The following FLT1 variants were observed in gnomAD, a reference collection of about 807,000 sequenced individuals.
FLT1 encodes vascular endothelial growth factor receptor 1.
FLT1 carries 49 observed loss-of-function variants against 156.3 expected under a neutral mutation model. That is an observed-to-expected ratio of 0.31 (90% CI 0.25 to 0.40). The LOEUF is 0.40. Ranked by LOEUF, FLT1 falls within the 10% of genes least tolerant of loss-of-function variation. The probability of loss-of-function intolerance (pLI) is 1.00; values close to 1 mark genes in which losing one functional copy is unlikely to be tolerated. For synonymous variants in FLT1, 594 were observed against 583.8 expected (o/e 1.02, Z -0.25); for missense variants, 1,322 against 1,637.2 (o/e 0.81, Z 3.32).
intron 14 of FLT1, among the ~76,000 whole-genome samples, chr13:28,370,559 C>A (rs759905782): frequency 1.1e-4 from 17 of 152,184 alleles, no homozygotes; most frequent in Non-Finnish European, 2.2e-4. Flanking sequence ...CAAAAACACA[C>A]GTATTTCTAA....
chr13:28,452,165 T>C (rs181810955), intron 3 of FLT1, among the ~76,000 whole-genome samples: 1 of 152,296 alleles, frequency 6.6e-6, no homozygotes, highest in East Asian at 1.9e-4. Context: ...CTCCTGTCCC[T>C]TCTCTCCCAT....
intron 1 of FLT1, among the ~76,000 whole-genome samples, chr13:28,490,151 G>A (rs1032886822): frequency 2.6e-5 from 4 of 152,290 alleles, no homozygotes; most frequent in African/African-American, 4.8e-5. Flanking sequence ...CCTCTGGGCC[G>A]GTTTTCTCAT....
At chr13:28,369,182 T>C (rs1355460686) in intron 14 of FLT1, among the ~76,000 whole-genome samples, 2 of 152,200 alleles carry the variant, frequency 1.3e-5, no homozygotes, top group African/African-American at 2.4e-5. Flanking sequence ...GAAAACTATG[T>C]CTGAGGAACA....
chr13:28,390,228 T>C, intron 12 of FLT1, 124 bp from the exon 13 acceptor site: 1 of 1,317,544 alleles, frequency 7.6e-7, no homozygotes, highest in East Asian at 2.5e-5. Context: ...AAAGGATGAG[T>C]ATTTGGGGTA....
At chr13:28,343,803 C>T (rs555625644) in intron 16 of FLT1, among the ~76,000 whole-genome samples, 30 of 151,922 alleles carry the variant, frequency 2.0e-4, no homozygotes, top group Admixed American at 8.5e-4. Context: ...CCACCACGCC[C>T]GGCTAATTTT....
chr13:28,489,180 T>C (rs1018177761), intron 1 of FLT1, among the ~76,000 whole-genome samples: 1 of 152,168 alleles, frequency 6.6e-6, no homozygotes, highest in Non-Finnish European at 1.5e-5. Flanking sequence ...ACAAATATTA[T>C]CTGTTGAGAA....
chr13:28,414,669 A>G (rs1203217266), intron 10 of FLT1, among the ~76,000 whole-genome samples: 2 of 152,192 alleles, frequency 1.3e-5, no homozygotes, highest in African/African-American at 4.8e-5. Flanking sequence ...GTTCATCATT[A>G]TAGCTTTGGT....
At position 28,427,256 on chromosome 13, in the gene FLT1, C is replaced by G; in HGVS notation, c.1339G>C (p.Gly447Arg). The change falls in exon 10 of 30, where the codon GGC becomes CGC. Residue 447 changes from glycine to arginine, a missense_variant. Physicochemically the swap from Gly to Arg is moderately radical, Grantham distance 125. Transcript: ENST00000282397. The stretch of plus-strand genomic sequence containing the variant: ...GTACAAGTCAGGATTTGTCTGCTGC[C>G]CAGTGGGTAGAGAGCCGGGTCTGGA... ...SFPDPALYPL[G>R]SRQILTCTAY... 6.2e-7 allele frequency: 1 copy of G among 1,613,890 alleles called. No homozygotes were observed. The highest frequency in any genetic ancestry group is 8.5e-7 in the Non-Finnish European group (1 of 1,179,876).
At chr13:28,399,060 A>G in intron 11 of FLT1, 2 of 1,550,824 alleles carry the variant, frequency 1.3e-6, no homozygotes, top group Non-Finnish European at 1.7e-6. Context: ...AAGGAAATGG[A>G]AGTAGTTGGA....
At position 28,339,237 on chromosome 13, in the gene FLT1, C is replaced by T. The variant is rs2138851685; in HGVS notation, c.2419G>A (p.Asp807Asn). ...IIMDPDEVPL[D>N]EQCERLPYDA... ...TAAGGGAGCCGCTCACACTGCTCATCCAAAGGAACTTCATCTGGGTCCATT... is the reference window on the plus strand; with the variant it reads ...TAAGGGAGCCGCTCACACTGCTCATTCAAAGGAACTTCATCTGGGTCCATT... The change falls in exon 17 of 30, where the codon GAT becomes AAT. Residue 807 changes from aspartate to asparagine, a missense_variant. Transcript: ENST00000282397. 6.2e-7 allele frequency: 1 copy of T among 1,614,150 alleles called. No individual in the cohort carries two copies. Among genetic ancestry groups the T allele is most frequent in the Non-Finnish European group, 8.5e-7 (1 of 1,179,986 alleles).
At chr13:28,400,529 G>A (rs1310498521) in intron 11 of FLT1, among the ~76,000 whole-genome samples, 2 of 152,022 alleles carry the variant, frequency 1.3e-5, no homozygotes, top group East Asian at 3.9e-4. Flanking sequence ...ACTTTATAGG[G>A]CCAGAGAAAG....
intron 11 of FLT1, among the ~76,000 whole-genome samples, chr13:28,402,763 T>C (rs1303956678): frequency 1.3e-5 from 2 of 152,192 alleles, no homozygotes; most frequent in African/African-American, 4.8e-5. Context: ...TATGTTATGT[T>C]ACTTTACGTT....
intron 13 of FLT1, chr13:28,388,620 A>T (rs9551465): frequency 0.51 from 539,448 of 1,053,796 alleles, 142,385 homozygotes; most frequent in East Asian, 0.54. Flanking sequence ...TGTATTTTTT[A>T]AATTACTTTG....
intron 28 of FLT1, among the ~76,000 whole-genome samples, chr13:28,308,635 C>T (rs1870853496): frequency 1.3e-5 from 2 of 152,202 alleles, no homozygotes; most frequent in Admixed American, 1.3e-4. Flanking sequence ...GGACTTGGGT[C>T]CTGGAGTGAG....
chr13:28,385,829 C>CAATG (rs1415849967), intron 13 of FLT1: 8 of 1,051,138 alleles, frequency 7.6e-6, no homozygotes, highest in Non-Finnish European at 9.2e-6. Flanking sequence ...ATAAGAACAG[C>CAATG]AGTACCCCCA....
intron 25 of FLT1, among the ~76,000 whole-genome samples, chr13:28,313,399 T>G (rs1397238766): frequency 1.3e-5 from 2 of 152,200 alleles, no homozygotes; most frequent in Non-Finnish European, 2.9e-5. Context: ...ATACACACAC[T>G]GCATTAAGAA....
At chr13:28,433,273 G>A (rs1018024873) in intron 6 of FLT1, among the ~76,000 whole-genome samples, 3 of 152,144 alleles carry the variant, frequency 2.0e-5, no homozygotes, top group Non-Finnish European at 4.4e-5. Flanking sequence ...GGAACCCAAC[G>A]CAGGCTTCAT....
At chr13:28,399,156 T>C (rs1232341753) in intron 11 of FLT1, 1 of 1,404,186 alleles carries the variant, frequency 7.1e-7, no homozygotes, top group East Asian at 2.5e-5. Flanking sequence ...CGACTCTGAC[T>C]CCCTTACATT....
chr13:28,323,373 C>G (rs80041824), intron 20 of FLT1, among the ~76,000 whole-genome samples: 1 of 152,034 alleles, frequency 6.6e-6, no homozygotes, highest in Non-Finnish European at 1.5e-5. Context: ...CAAAGCTGGC[C>G]GGGCACAGTG....
Sources: gnomAD v4.1 joint callset for allele counts (sites outside exome capture counted in the v4.1 genomes callset) on GRCh38, gnomAD v4.1.1 for gene constraint, MANE v1.5 for transcripts, NCBI Gene and HGNC (gene_info 2026-07-23, HGNC 2026-07-21) for gene names.